Variants in AGAP1 observed in about 807,000 individuals in gnomAD.
AGAP1 encodes ArfGAP with GTPase domain, ankyrin repeat and PH domain 1, also known as arf-GAP with GTPase, ANK repeat and PH domain-containing protein 1.
AGAP1 carries 29 observed loss-of-function variants against 105.3 expected under a neutral mutation model. The observed-to-expected ratio is 0.28, with a 90% confidence interval of 0.21 to 0.38. The LOEUF (loss-of-function observed/expected upper bound fraction) is 0.38, where lower values mean the gene tolerates loss of function less well. AGAP1 is among the 10% of genes least tolerant of loss of function. The pLI is 1.00. For missense variants in AGAP1, 998 were observed against 1,165.1 expected (o/e 0.86, Z 2.09); for synonymous variants, 509 against 485.9 (o/e 1.05, Z -0.63).
Position 236,040,733 on chromosome 2 carries a change from G to A in AGAP1, c.1801-18G>A, listed in dbSNP as rs181797733. 4 of 1,612,566 alleles carry A rather than the reference G, an allele frequency of 2.5e-6. No individual in the cohort carries two copies. Among genetic ancestry groups the A allele is most frequent in the Admixed American group, 1.7e-5 (1 of 60,024 alleles). On this transcript the variant is annotated intron_variant, in intron 14 of 17. Coordinates refer to ENST00000304032, the MANE Select transcript of AGAP1 (RefSeq NM_001037131.3). This position sits in a 1 kb window ranked among gnomAD's most constrained non-coding sequence, Gnocchi z 5.6. ...CGGGGTGCTTACGCCTTGTATTTGT[G>A]TCTTCCTCCGTGCCCAGTCCCGGCT...
Position 235,494,761 on chromosome 2 carries a change from C to G in AGAP1, c.75C>G (p.Pro25=). The G allele has an allele frequency of 1.9e-6, 3 of 1,577,636 alleles. No homozygotes were observed. Among genetic ancestry groups the G allele is most frequent in the Non-Finnish European group, 1.7e-6 (2 of 1,162,272 alleles). The change falls in exon 1 of 18, where the codon CCC becomes CCG. Residue 25 remains proline (P), a synonymous_variant. Transcript: ENST00000304032. The part of the protein sequence containing the change: ...AEIQRFESVH[P]NIYSIYELLE... ...TCCAGCGCTTCGAGTCGGTCCACCCCAACATCTACTCCATCTACGAGCTGC... is the reference window on the plus strand; with the variant it reads ...TCCAGCGCTTCGAGTCGGTCCACCCGAACATCTACTCCATCTACGAGCTGC...
At chr2:235,506,689 G>A (rs941183820) in intron 1 of AGAP1, among the ~76,000 whole-genome samples, 9 of 152,164 alleles carry the variant, frequency 5.9e-5, no homozygotes, top group South Asian at 4.1e-4. Context: ...ACCGGAAGCC[G>A]GGTCTGTATG....
chr2:235,836,884 C>G (rs1233325011), intron 9 of AGAP1, among the ~76,000 whole-genome samples: 1 of 152,090 alleles, frequency 6.6e-6, no homozygotes, highest in Non-Finnish European at 1.5e-5. Flanking sequence ...CATTTACATT[C>G]ACAGTTAACT....
Position 235,714,852 on chromosome 2 carries a change from C to G in AGAP1, c.223-2705C>G, listed in dbSNP as rs142283439. ...CTCGCTCTGTCACCCAGGCTGGAGT[C>G]CAGTGGTGTATCTCGGCTCACTGCA... On this transcript the variant is annotated intron_variant, in intron 2 of 17. Coordinates refer to ENST00000304032, the MANE Select transcript of AGAP1 (RefSeq NM_001037131.3). The surrounding 1 kb of genome is among the most constrained non-coding windows in gnomAD (Gnocchi z 4.1). Among the ~76,000 whole-genome samples the G allele has an allele frequency of 8.3e-4, 127 of 152,158 alleles. 3 individuals are homozygous for G. In the East Asian group the frequency reaches 0.02, roughly 24 times the overall value.
At position 235,725,507 on chromosome 2, in the gene AGAP1, GAA is replaced by G. The variant is rs79340469; in HGVS notation, c.310+7876_310+7877del. Among the ~76,000 whole-genome samples the G allele has an allele frequency of 2.4e-5, 3 of 126,596 alleles. No homozygotes were observed. The highest frequency in any genetic ancestry group is 3.4e-5 in the Non-Finnish European group (2 of 58,944). The allele number at this position is 126,596 out of a possible 152,430, so 83.1% of individuals were successfully genotyped here. On this transcript the variant is annotated intron_variant, in intron 3 of 17. Transcript: ENST00000304032. The surrounding 1 kb of genome is among the most constrained non-coding windows in gnomAD (Gnocchi z 5.7). ...TTGGGTGCTGTTTAATGTTCCAGTG[GAA>G]AAAAAAAAAAAACACCTGTAATACT...
intron 16 of AGAP1, among the ~76,000 whole-genome samples, chr2:236,088,881 T>A (rs553753453): frequency 6.6e-6 from 1 of 152,340 alleles, no homozygotes; most frequent in African/African-American, 2.4e-5. Context: ...GCTCAGTTGG[T>A]ATTTCTTGAA....
Position 235,789,648 on chromosome 2 carries a change from C to A in AGAP1, c.674-8111C>A, listed in dbSNP as rs540115744. On this transcript the variant is annotated intron_variant, in intron 6 of 17. Coordinates refer to ENST00000304032, the MANE Select transcript of AGAP1 (RefSeq NM_001037131.3). The surrounding 1 kb of genome is among the most constrained non-coding windows in gnomAD (Gnocchi z 4.2). The stretch of plus-strand genomic sequence containing the variant: ...CAAAAAAAAAATACATATATATAGT[C>A]ATATTTTGTGCTTCGATACTCAGAA... 1.3e-5 allele frequency among the ~76,000 whole-genome samples: 2 copies of A among 152,020 alleles called. No homozygotes were observed. The highest frequency in any genetic ancestry group is 2.9e-5 in the Non-Finnish European group (2 of 68,008).
At chr2:235,978,795 C>T (rs1049855431) in intron 13 of AGAP1, among the ~76,000 whole-genome samples, 1 of 152,300 alleles carries the variant, frequency 6.6e-6, no homozygotes, top group East Asian at 1.9e-4. Flanking sequence ...CGGCTCCCCA[C>T]CACTGCCCTT....
intron 6 of AGAP1, among the ~76,000 whole-genome samples, chr2:235,770,793 T>C (rs1276853658): frequency 6.6e-6 from 1 of 152,282 alleles, no homozygotes; most frequent in Admixed American, 6.5e-5. Context: ...GCTTCAGGAA[T>C]GTCTGACCCC....
chr2:235,643,431 C>CAAAAAAAA (rs56146940), intron 1 of AGAP1, among the ~76,000 whole-genome samples: 54 of 61,368 alleles, frequency 8.8e-4, no homozygotes, highest in African/African-American at 1.5e-3. Context: ...GACTGGGTCT[C>CAAAAAAAA]AAAAAAAAAA....
Position 235,872,707 on chromosome 2 carries a change from C to A in AGAP1, c.1051-10638C>A, listed in dbSNP as rs1404611516. 1.3e-5 allele frequency among the ~76,000 whole-genome samples: 2 copies of A among 152,210 alleles called. No homozygotes were observed. Among genetic ancestry groups the A allele is most frequent in the East Asian group, 3.9e-4 (2 of 5,190 alleles). On this transcript the variant is annotated intron_variant, in intron 9 of 17. Transcript: ENST00000304032. The surrounding 1 kb of genome is among the most constrained non-coding windows in gnomAD (Gnocchi z 4.5). ...TAGAGGAGGCTGTCTGCGCGCTCAG[C>A]CCAGACCAGTGGGGGCCACCTTAGT...
intron 3 of AGAP1, among the ~76,000 whole-genome samples, chr2:235,726,728 C>T (rs562410694): frequency 2.0e-5 from 3 of 152,058 alleles, no homozygotes; most frequent in South Asian, 4.2e-4. Context: ...GGGCCATGCT[C>T]GCTGTGTTAG....
At chr2:235,597,274 T>C (rs1444693304) in intron 1 of AGAP1, among the ~76,000 whole-genome samples, 1 of 152,160 alleles carries the variant, frequency 6.6e-6, no homozygotes, top group Non-Finnish European at 1.5e-5. Flanking sequence ...TGGAGCAGAA[T>C]TGGGAGTGAA....
At chr2:235,946,719 G>T (rs2053516949) in intron 12 of AGAP1, among the ~76,000 whole-genome samples, 1 of 152,134 alleles carries the variant, frequency 6.6e-6, no homozygotes, top group Admixed American at 6.5e-5. Context: ...CTATGTAGTA[G>T]CTTGGAAAGC....
chr2:236,118,387 C>CTTTTTTTTTTTT (rs529993131), intron 16 of AGAP1, among the ~76,000 whole-genome samples: 26 of 116,222 alleles, frequency 2.2e-4, no homozygotes, highest in Non-Finnish European at 3.1e-4. Flanking sequence ...TTTTCTTTTT[C>CTTTTTTTTTTTT]TTTTTTTTTT....
At chr2:236,077,579 A>G (rs994705738) in intron 16 of AGAP1, among the ~76,000 whole-genome samples, 3 of 152,080 alleles carry the variant, frequency 2.0e-5, no homozygotes, top group Non-Finnish European at 4.4e-5. Context: ...TTGGCCTCCC[A>G]AAGTGCTGGG....
intron 9 of AGAP1, among the ~76,000 whole-genome samples, chr2:235,820,635 TG>T (rs531418753): frequency 1.2e-3 from 188 of 152,370 alleles, no homozygotes; most frequent in African/African-American, 4.4e-3. Flanking sequence ...ATTTCATTCA[TG>T]CTAAAAACAA....
chr2:235,913,260 GTGTT>G (rs1169641547), intron 11 of AGAP1, among the ~76,000 whole-genome samples: 18 of 151,952 alleles, frequency 1.2e-4, no homozygotes, highest in Non-Finnish European at 2.9e-5. Flanking sequence ...ATATATGTAT[GTGTT>G]TATGTGTGTG....
rs532593911 is a variant in AGAP1 at position 235,725,814 on chromosome 2, A to T, written c.310+8170A>T. Among the ~76,000 whole-genome samples the T allele has an allele frequency of 6.6e-6, 1 of 152,276 alleles. No individual in the cohort carries two copies. Among genetic ancestry groups the T allele is most frequent in the East Asian group, 1.9e-4 (1 of 5,184 alleles). ...CTTCCTATGTGTGTGACAGTCCCTAACTTGACCCCTGGCATGGAAGCCATC... is the reference window on the plus strand; with the variant it reads ...CTTCCTATGTGTGTGACAGTCCCTATCTTGACCCCTGGCATGGAAGCCATC... On this transcript the variant is annotated intron_variant, in intron 3 of 17. Coordinates refer to ENST00000304032, the MANE Select transcript of AGAP1 (RefSeq NM_001037131.3). The surrounding 1 kb of genome is among the most constrained non-coding windows in gnomAD (Gnocchi z 5.7).
Sources: allele counts gnomAD v4.1 joint callset (sites outside exome capture counted in the v4.1 genomes callset), GRCh38; gene constraint gnomAD v4.1.1; non-coding constraint Gnocchi (gnomAD v3.1); transcripts MANE v1.5; gene names NCBI Gene and HGNC (gene_info 2026-07-23, HGNC 2026-07-21).